The following PGAP1 variants were observed in gnomAD, a reference collection of about 807,000 sequenced individuals.
The protein encoded by PGAP1 is GPI inositol-deacylase.
Under a neutral mutation model 127.0 loss-of-function variants are expected in PGAP1, and 76 were observed. The observed-to-expected ratio is 0.60, with a 90% confidence interval of 0.50 to 0.72. The LOEUF (loss-of-function observed/expected upper bound fraction) is 0.72. Among genes scored for constraint, PGAP1 ranks in the 30% least tolerant of loss-of-function variants. PGAP1 has a pLI of 0.00. For missense variants in PGAP1, 982 were observed against 1,071.3 expected (o/e 0.92, Z 1.16); for synonymous variants, 362 against 366.5 (o/e 0.99, Z 0.14).
At chr2:196,884,530 C>A (rs1490046041) in intron 12 of PGAP1, among the ~76,000 whole-genome samples, 4 of 152,110 alleles carry the variant, frequency 2.6e-5, no homozygotes, top group African/African-American at 9.7e-5. Flanking sequence ...TGTCACCATT[C>A]CTCTCTGTTA....
intron 1 of PGAP1, among the ~76,000 whole-genome samples, chr2:196,923,448 C>G (rs1267608305): frequency 3.9e-5 from 6 of 152,138 alleles, no homozygotes; most frequent in Admixed American, 3.9e-4. Flanking sequence ...AATTATAAAA[C>G]TCAGTACATT....
chr2:196,842,633 T>G, intron 26 of PGAP1, 88 bp downstream of exon 26: 1 of 511,778 alleles, frequency 2.0e-6, no homozygotes. Flanking sequence ...ATATTTAAAT[T>G]AATTAGAAAT....
chr2:196,915,967 A>G (rs1334852739), intron 3 of PGAP1, among the ~76,000 whole-genome samples: 2 of 152,188 alleles, frequency 1.3e-5, no homozygotes, highest in Non-Finnish European at 2.9e-5. Flanking sequence ...CCGGGCAGAA[A>G]TCCAGAGCAA....
rs1700545839 is a variant in PGAP1 at position 196,845,969 on chromosome 2, G to A, written c.2199C>T (p.Pro733=). 6.2e-7 allele frequency: 1 copy of A among 1,606,712 alleles called. No individual in the cohort carries two copies. The change falls in exon 23 of 27, where the codon CCC becomes CCT. Residue 733 remains proline, a synonymous_variant. Transcript: ENST00000354764. ...KDIKMISPDL[P]FLTIVLIIVS... ...CTATGATCAAGACAATTGTCAAAAA[G>A]GGCAAGTCTGGTGATATCATCTTGA...
In PGAP1 at chr2:196,905,583, T is replaced by C. The variant is rs557781834; in HGVS notation, c.650-2841A>G. 1.1e-4 allele frequency among the ~76,000 whole-genome samples: 16 copies of C among 152,110 alleles called. No individual in the cohort carries two copies. The South Asian group carries it at 2.3e-3, about 22-fold the overall frequency. ...AAAATTTTCATCAAAATTAAGATAA[T>C]GCGGGAGGGAGGAGCCAAGATGGCC... is the stretch of plus-strand genomic sequence containing the variant. On this transcript the variant is annotated intron_variant, in intron 4 of 26. Coordinates refer to ENST00000354764, the MANE Select transcript of PGAP1 (RefSeq NM_024989.4).
At chr2:196,860,803 A>C (rs932448920) in intron 20 of PGAP1, among the ~76,000 whole-genome samples, 1 of 152,200 alleles carries the variant, frequency 6.6e-6, no homozygotes, top group Non-Finnish European at 1.5e-5. Flanking sequence ...CCATCAAAAT[A>C]CCAATGAGAG....
At chr2:196,851,917 C>G (rs7557341) in intron 20 of PGAP1, among the ~76,000 whole-genome samples, 38,680 of 151,976 alleles carry the variant, frequency 0.25, 6,080 homozygotes, top group African/African-American at 0.45. Context: ...ACATTCTGTT[C>G]GTTAGACATG....
Position 196,872,546 on chromosome 2 carries a change from A to G in PGAP1, c.1623T>C (p.Ala541=), listed in dbSNP as rs1378499072. The G allele has an allele frequency of 1.3e-6, 2 of 1,597,770 alleles. No individual in the cohort carries two copies. Among genetic ancestry groups the G allele is most frequent in the Non-Finnish European group, 8.6e-7 (1 of 1,165,514 alleles). ...TCAGAGAAATTTCTGTGGAAGATGGAGCCCTGAAGAGATAACTTAAATATC... is the reference window on the plus strand; with the variant it reads ...TCAGAGAAATTTCTGTGGAAGATGGGGCCCTGAAGAGATAACTTAAATATC... ...SYEDSLTIAQ[A]PSSTEISLKL... is the part of the protein sequence containing the mutation. Residue 541 remains alanine (A), a synonymous_variant, in exon 18 of 27, where the codon GCT becomes GCC. Transcript: ENST00000354764.
chr2:196,877,979 T>C (rs779392946), intron 13 of PGAP1, among the ~76,000 whole-genome samples: 2 of 152,108 alleles, frequency 1.3e-5, no homozygotes, highest in Non-Finnish European at 2.9e-5. Flanking sequence ...AAGTAAAAGA[T>C]TACTGGGGGA....
At chr2:196,880,281 T>C in intron 12 of PGAP1, 128 bp from the exon 13 acceptor site, 2 of 561,660 alleles carry the variant, frequency 3.6e-6, no homozygotes, top group Non-Finnish European at 6.0e-6. Context: ...TTATGTTCAG[T>C]ACTTCATAAA....
At chr2:196,856,975 C>CTATA (rs1700905007) in intron 20 of PGAP1, among the ~76,000 whole-genome samples, 1 of 151,860 alleles carries the variant, frequency 6.6e-6, no homozygotes, top group Non-Finnish European at 1.5e-5. Context: ...CCCTGGTTAG[C>CTATA]TATATTCCTA....
Position 196,835,448 on chromosome 2 carries a change from T to A in PGAP1, c.*5786A>T, listed in dbSNP as rs1700213194. ...AGATTACTTCAAATAATTATTTCAATGAATTGCTGAAAGATCATTACTAGG... is the reference window on the plus strand; with the variant it reads ...AGATTACTTCAAATAATTATTTCAAAGAATTGCTGAAAGATCATTACTAGG... On this transcript the variant is annotated 3_prime_UTR_variant, in exon 27 of 27. Coordinates refer to ENST00000354764, the MANE Select transcript of PGAP1 (RefSeq NM_024989.4). 1 of 152,024 alleles carries A rather than the reference T, an allele frequency of 6.6e-6. No homozygotes were observed. The highest frequency in any genetic ancestry group is 6.6e-5 in the Admixed American group (1 of 15,260). 9.4% of individuals were successfully genotyped at this position (152,024 alleles called of 1,614,324 possible).
chr2:196,873,063 T>A (rs200808136), intron 16 of PGAP1, 37 bp from the exon 17 acceptor site: 1 of 649,996 alleles, frequency 1.5e-6, no homozygotes, highest in Non-Finnish European at 2.7e-6. Flanking sequence ...ATTAACAACA[T>A]GTTACCCTAA....
In PGAP1 at chr2:196,916,469, C is replaced by T. The variant is rs922030862; in HGVS notation, c.426G>A (p.Lys142=). 1 of 1,613,296 alleles carries T rather than the reference C, an allele frequency of 6.2e-7. No homozygotes were observed. The highest frequency in any genetic ancestry group is 1.3e-5 in the African/African-American group (1 of 74,880). The change falls in exon 3 of 27, where the codon AAG becomes AAA. Residue 142 remains lysine, a synonymous_variant. Transcript: ENST00000354764. The stretch of plus-strand genomic sequence containing the variant: ...TACATTCATGTACAAACTTGGTCTG[C>T]TTCTGAAGACTTCCACCATACAAAG... ...LVALYGGSLQ[K]QTKFVHECIK...
chr2:196,863,998 T>C (rs963307343), intron 20 of PGAP1, among the ~76,000 whole-genome samples: 4 of 152,224 alleles, frequency 2.6e-5, no homozygotes, highest in African/African-American at 9.6e-5. Flanking sequence ...CCTGATTTGA[T>C]CTTAACACAT....
At chr2:196,912,814 C>T (rs142188448) in intron 4 of PGAP1, 68 bp downstream of exon 4, 4 of 1,412,640 alleles carry the variant, frequency 2.8e-6, no homozygotes, top group African/African-American at 2.9e-5. Context: ...AGGGGAATAG[C>T]CACAGAGATT....
intron 20 of PGAP1, among the ~76,000 whole-genome samples, chr2:196,853,686 T>A (rs995497559): frequency 6.6e-6 from 1 of 152,234 alleles, no homozygotes; most frequent in African/African-American, 2.4e-5. Flanking sequence ...ACAGTACTGA[T>A]GTTTTATAGG....
chr2:196,894,316 C>T (rs554812934), intron 7 of PGAP1, among the ~76,000 whole-genome samples: 1 of 152,250 alleles, frequency 6.6e-6, no homozygotes, highest in East Asian at 1.9e-4. Context: ...TTGTTGATGT[C>T]CCCCTCAAAA....
rs1036854781 is a variant in PGAP1 at position 196,916,682 on chromosome 2, T to C, written c.302-89A>G. ...CAGAATTTCTTAGTAAATAACCTTA[T>C]CCTGCATCACGAATATAAACCACCT... On this transcript the variant is annotated intron_variant, in intron 2 of 26. Transcript: ENST00000354764. 6.3e-6 allele frequency: 8 copies of C among 1,277,448 alleles called. No homozygotes were observed. In the African/African-American group the frequency reaches 1.1e-4, roughly 17 times the overall value. The allele number at this position is 1,277,448 out of a possible 1,614,324, so 79.1% of individuals were successfully genotyped here. A position where few individuals can be genotyped will look rare whatever the true frequency, so the allele number is the denominator to read the frequency against.
Sources: allele counts gnomAD v4.1 joint callset (sites outside exome capture counted in the v4.1 genomes callset), GRCh38; gene constraint gnomAD v4.1.1; transcripts MANE v1.5; gene names NCBI Gene and HGNC (gene_info 2026-07-23, HGNC 2026-07-21).